DYNLRB1: variants seen among roughly 807,000 people sequenced by gnomAD.
DYNLRB1 encodes dynein light chain roadblock-type 1.
A neutral mutation model predicts 13.5 loss-of-function variants in DYNLRB1; 6 were observed. The ratio of observed to expected loss-of-function variants is 0.44; its 90% CI spans 0.24 to 0.88. DYNLRB1 has a LOEUF of 0.88. Ranked by LOEUF, DYNLRB1 falls within the 40% of genes least tolerant of loss-of-function variation. DYNLRB1 has a pLI of 0.21. For missense variants in DYNLRB1, 93 were observed against 127.2 expected, an observed-to-expected ratio of 0.73 and a Z score of 1.29; for synonymous variants, 43 against 45.0, an observed-to-expected ratio of 0.96 and a Z score of 0.18.
rs1195248012 is a variant in DYNLRB1, at chr20:34,526,155, T to G, written c.4-113T>G. 5 of 1,155,710 alleles carry G rather than the reference T, an allele frequency of 4.3e-6. No individual in the cohort carries two copies. In the Admixed American group the frequency reaches 7.7e-5, roughly 18 times the overall value. The allele number at this position is 1,155,710 out of a possible 1,614,324, so 71.6% of individuals were successfully genotyped here. A position where few individuals can be genotyped will look rare whatever the true frequency, so the allele number is the denominator to read the frequency against. On this transcript the variant is annotated intron_variant, in intron 1 of 3. Coordinates refer to ENST00000357156, the MANE Select transcript of DYNLRB1 (RefSeq NM_014183.4). ...GAACTTTGAGGGTGTGCCAGGTGCC[T>G]GAGTATTACTTGTTTGTTGTTGGAA...
chr20:34,537,453 C>T (rs1480856667), intron 3 of DYNLRB1, among the ~76,000 whole-genome samples: 2 of 152,106 alleles, frequency 1.3e-5, no homozygotes, highest in Non-Finnish European at 2.9e-5. Flanking sequence ...AAATGAATGA[C>T]TCTGTAAACC....
chr20:34,520,951 C>T (rs1349485443), intron 1 of DYNLRB1, among the ~76,000 whole-genome samples: 1 of 152,162 alleles, frequency 6.6e-6, no homozygotes, highest in Admixed American at 6.5e-5. Context: ...ATTGCCCTTG[C>T]ACCTGCCAGT....
intron 1 of DYNLRB1, chr20:34,516,749 C>T: frequency 6.5e-7 from 1 of 1,549,108 alleles, no homozygotes; most frequent in Non-Finnish European, 8.7e-7. Flanking sequence ...GCCCTGCAGC[C>T]TAGAGTTTTG....
intron 3 of DYNLRB1, among the ~76,000 whole-genome samples, chr20:34,537,985 C>CTTTTTTTTT (rs67763754): frequency 8.4e-5 from 8 of 94,872 alleles, no homozygotes; most frequent in Non-Finnish European, 1.2e-4. Flanking sequence ...CGTGAACAGG[C>CTTTTTTTTT]TTTTTTTTTT....
chr20:34,526,024 G>A (rs1424270673), intron 1 of DYNLRB1, among the ~76,000 whole-genome samples: 1 of 152,228 alleles, frequency 6.6e-6, no homozygotes, highest in Non-Finnish European at 1.5e-5. Context: ...TGGGATAATA[G>A]TGCCTGGTGG....
chr20:34,519,420 G>A (rs1979532048), intron 1 of DYNLRB1, among the ~76,000 whole-genome samples: 1 of 152,074 alleles, frequency 6.6e-6, no homozygotes, highest in Non-Finnish European at 1.5e-5. Context: ...TTACTTTAAG[G>A]CTGAAGTGGA....
At position 34,516,810 on chromosome 20, in the gene DYNLRB1, TTG is replaced by T. The variant is rs894879384; in HGVS notation, c.3+352_3+353del. 11 of 1,550,116 alleles carry T rather than the reference TTG, an allele frequency of 7.1e-6. No homozygotes were observed. In the Admixed American group the frequency reaches 9.8e-5, roughly 14 times the overall value. On this transcript the variant is annotated intron_variant, in intron 1 of 3. Transcript: ENST00000357156. ...TGGCAACGTTTCCCGGGAGCTCAGT[TTG>T]TGGCAGGCTCTGCCAAGCACTTTAT... is the stretch of plus-strand genomic sequence containing the variant.
Position 34,534,666 on chromosome 20 carries a change from ACCCAGTATGCCAG to A in DYNLRB1, c.121_133del (p.Gln41SerfsTer7), listed in dbSNP as rs1355228321. 1 of 1,589,528 alleles carries A rather than the reference ACCCAGTATGCCAG, an allele frequency of 6.3e-7. No individual in the cohort carries two copies. Among genetic ancestry groups the A allele is most frequent in the Non-Finnish European group, 8.6e-7 (1 of 1,167,232 alleles). On this transcript the variant is annotated frameshift_variant, in exon 3 of 4. Coordinates refer to ENST00000357156, the MANE Select transcript of DYNLRB1 (RefSeq NM_014183.4). LOFTEE classifies it high-confidence loss of function. ...GAGCACCATGGACAACCCCACCACCACCCAGTATGCCAGCCTCATGCACAGCTTCATCCTGAAG... is the reference window on the plus strand; with the variant it reads ...GAGCACCATGGACAACCCCACCACCACCTCATGCACAGCTTCATCCTGAAG...
intron 1 of DYNLRB1, among the ~76,000 whole-genome samples, chr20:34,525,868 A>T (rs1457673073): frequency 1.3e-5 from 2 of 152,198 alleles, no homozygotes; most frequent in Non-Finnish European, 2.9e-5. Flanking sequence ...CAAATGACAA[A>T]GTGTTGTCTT....
intron 1 of DYNLRB1, 147 bp downstream of exon 1, chr20:34,516,608 G>C (rs576594941): frequency 4.0e-4 from 613 of 1,514,552 alleles, no homozygotes; most frequent in Admixed American, 8.0e-4. Context: ...CAGCCGACTT[G>C]AGGGTGGAAC....
At chr20:34,532,476 C>T (rs548540052) in intron 2 of DYNLRB1, among the ~76,000 whole-genome samples, 1 of 152,144 alleles carries the variant, frequency 6.6e-6, no homozygotes, top group Non-Finnish European at 1.5e-5. Flanking sequence ...TGCTGGGTGG[C>T]AAGAAACTGG....
At chr20:34,534,065 CG>C (rs1315174742) in intron 2 of DYNLRB1, among the ~76,000 whole-genome samples, 1 of 149,852 alleles carries the variant, frequency 6.7e-6, no homozygotes, top group Non-Finnish European at 1.5e-5. Context: ...CACTTGAACC[CG>C]GGAGGCAGAG....
chr20:34,516,919 A>G (rs1979267279), intron 1 of DYNLRB1: 3 of 1,387,734 alleles, frequency 2.2e-6, no homozygotes, highest in Middle Eastern at 3.8e-4. Flanking sequence ...CATATCTGTT[A>G]TTCAGCGCCC....
intron 1 of DYNLRB1, among the ~76,000 whole-genome samples, chr20:34,523,089 G>C (rs1979892064): frequency 6.6e-6 from 1 of 152,252 alleles, no homozygotes; most frequent in South Asian, 2.1e-4. Context: ...TGCTGCGAAG[G>C]CTGGGGGCCT....
intron 1 of DYNLRB1, among the ~76,000 whole-genome samples, chr20:34,517,122 C>T (rs1421810190): frequency 6.6e-6 from 1 of 152,118 alleles, no homozygotes; most frequent in Non-Finnish European, 1.5e-5. Flanking sequence ...TGTGGGTTCT[C>T]AACGCCGTTA....
intron 2 of DYNLRB1, chr20:34,530,391 A>G: frequency 1.5e-6 from 1 of 661,504 alleles, no homozygotes. Context: ...AAGTTTTCTC[A>G]TTTGTAAAAT....
At chr20:34,526,485 CTTTT>C (rs386393667) in intron 2 of DYNLRB1, 142 bp downstream of exon 2, 744 of 238,292 alleles carry the variant, frequency 3.1e-3, no homozygotes, top group South Asian at 5.9e-3. Context: ...CTCCAGTGTT[CTTTT>C]TTTTTTTTTT....
At chr20:34,524,108 G>A (rs1269004228) in intron 1 of DYNLRB1, among the ~76,000 whole-genome samples, 1 of 152,064 alleles carries the variant, frequency 6.6e-6, no homozygotes, top group East Asian at 1.9e-4. Flanking sequence ...CATAGATGGG[G>A]GGTTAAAATG....
intron 1 of DYNLRB1, 53 bp from the exon 2 acceptor site, chr20:34,526,215 G>T: frequency 7.6e-6 from 12 of 1,589,324 alleles, no homozygotes; most frequent in Non-Finnish European, 1.0e-5. Flanking sequence ...GGGGTATGAG[G>T]AAGTTAATCC....
Sources: gnomAD v4.1 joint callset for allele counts (sites outside exome capture counted in the v4.1 genomes callset) on GRCh38, gnomAD v4.1.1 for gene constraint, MANE v1.5 for transcripts, NCBI Gene and HGNC (gene_info 2026-07-23, HGNC 2026-07-21) for gene names.